The following HAO1 variants were observed in gnomAD, a reference collection of about 807,000 sequenced individuals.
HAO1 encodes 2-Hydroxyacid oxidase 1.
Under a neutral mutation model 39.7 loss-of-function variants are expected in HAO1, and 34 were observed. The observed-to-expected ratio is 0.86, with a 90% CI of 0.65 to 1.14. HAO1 has a LOEUF of 1.14. HAO1 is among the 50% of genes most tolerant of loss of function. The pLI, the probability that HAO1 is intolerant of heterozygous loss-of-function variation, is 0.00. For missense variants in HAO1, 479 were observed against 464.5 expected (o/e 1.03, Z -0.29); for synonymous variants, 172 against 173.2 (o/e 0.99, Z 0.05).
At chr20:7,928,862 A>T (rs887484049) in intron 2 of HAO1, among the ~76,000 whole-genome samples, 2 of 152,118 alleles carry the variant, frequency 1.3e-5, no homozygotes, top group African/African-American at 2.4e-5. Flanking sequence ...GGGAATTTTG[A>T]TTTATTTGCC....
chr20:7,902,415 T>C (rs1284666321), intron 4 of HAO1, among the ~76,000 whole-genome samples: 1 of 152,232 alleles, frequency 6.6e-6, no homozygotes, highest in Non-Finnish European at 1.5e-5. Flanking sequence ...TACAACTCGC[T>C]GAAGACTCAG....
intron 2 of HAO1, among the ~76,000 whole-genome samples, chr20:7,922,722 G>T (rs1377520546): frequency 6.6e-6 from 1 of 152,018 alleles, no homozygotes; most frequent in African/African-American, 2.4e-5. Context: ...GAGTCTAAGG[G>T]GCTGGCAGCA....
Position 7,914,223 on chromosome 20 carries a change from A to T in HAO1, c.486T>A (p.Pro162=). The T allele has an allele frequency of 6.2e-7, 1 of 1,613,974 alleles. No individual in the cohort carries two copies. The highest frequency in any genetic ancestry group is 8.5e-7 in the Non-Finnish European group (1 of 1,179,946). The part of the protein sequence containing the change: ...YKAIFVTVDT[P]YLGNRLDDVR... ...CATCATCCAGACGGTTGCCCAGGTA[A>T]GGTGTGTCCACTGTCACAAATATGG... The change falls in exon 3 of 8, where the codon CCT becomes CCA. Residue 162 remains proline (P), a synonymous_variant. Transcript: ENST00000378789.
chr20:7,928,495 CTTTT>C (rs35798481), intron 2 of HAO1, among the ~76,000 whole-genome samples: 1,948 of 140,362 alleles, frequency 0.014, 39 homozygotes, highest in African/African-American at 0.045. Flanking sequence ...AAAGTTTTTT[CTTTT>C]TTTTTTTTTT....
In HAO1 at chr20:7,916,637, T is replaced by G. The variant is rs117971038; in HGVS notation, c.290-2218A>C. On this transcript the variant is annotated intron_variant, in intron 2 of 7. Transcript: ENST00000378789. ...GCTAGATCACACTTTGACATTTAAA[T>G]AGTACCATAGCCATTAGATAGTAAA... is the stretch of plus-strand genomic sequence containing the variant. Among the ~76,000 whole-genome samples the G allele has an allele frequency of 6.5e-3, 993 of 152,348 alleles. 4 individuals carry two copies. Among genetic ancestry groups the G allele is most frequent in the Non-Finnish European group, 0.011 (740 of 68,030 alleles).
intron 2 of HAO1, among the ~76,000 whole-genome samples, chr20:7,916,733 T>C (rs1449890040): frequency 6.6e-6 from 1 of 152,248 alleles, no homozygotes; most frequent in South Asian, 2.1e-4. Flanking sequence ...CCTTTGAAGA[T>C]GTTTTTCATA....
In HAO1 at chr20:7,883,476, A is replaced by G; in HGVS notation, c.*117T>C. On this transcript the variant is annotated 3_prime_UTR_variant, in exon 8 of 8. Transcript: ENST00000378789. ...ATTGCTATTTTGTTGGAAAAGAACGACACCCTTTGTATTGAAGTGGGGAAT... is the reference window on the plus strand; with the variant it reads ...ATTGCTATTTTGTTGGAAAAGAACGGCACCCTTTGTATTGAAGTGGGGAAT... The G allele has an allele frequency of 1.3e-6, 1 of 781,244 alleles. No homozygotes were observed. Among genetic ancestry groups the G allele is most frequent in the Non-Finnish European group, 2.3e-6 (1 of 440,262 alleles). 48.4% of individuals were successfully genotyped at this position (781,244 alleles called of 1,614,324 possible).
chr20:7,893,172 C>G (rs2050181916), intron 5 of HAO1, among the ~76,000 whole-genome samples: 1 of 152,144 alleles, frequency 6.6e-6, no homozygotes, highest in Admixed American at 6.6e-5. Flanking sequence ...CCAAAACTCT[C>G]CCACTCCCAC....
At chr20:7,884,177 A>C (rs960838913) in intron 7 of HAO1, among the ~76,000 whole-genome samples, 1 of 152,174 alleles carries the variant, frequency 6.6e-6, no homozygotes, top group African/African-American at 2.4e-5. Flanking sequence ...GTCAAATTAG[A>C]AATAGTCACT....
intron 3 of HAO1, among the ~76,000 whole-genome samples, chr20:7,907,176 T>C (rs2050252378): frequency 6.6e-6 from 1 of 152,184 alleles, no homozygotes; most frequent in South Asian, 2.1e-4. Context: ...TTGTTCTCTC[T>C]GAACTTCTCG....
At chr20:7,905,457 A>T (rs2050243147) in intron 4 of HAO1, among the ~76,000 whole-genome samples, 1 of 152,164 alleles carries the variant, frequency 6.6e-6, no homozygotes, top group African/African-American at 2.4e-5. Context: ...GTTAAAAAAA[A>T]GTTTTTGGCA....
intron 1 of HAO1, among the ~76,000 whole-genome samples, chr20:7,935,460 T>C (rs944753410): frequency 1.3e-5 from 2 of 152,234 alleles, no homozygotes; most frequent in African/African-American, 4.8e-5. Context: ...TTTTATGTGA[T>C]AAACAGCAGC....
rs2050420104 is a variant in HAO1 at position 7,937,779 on chromosome 20, G to A, written c.137+2507C>T. Among the ~76,000 whole-genome samples, 3 of 152,168 alleles carry A rather than the reference G, an allele frequency of 2.0e-5. No homozygotes were observed. The South Asian group carries it at 6.2e-4, about 32-fold the overall frequency. ...CCAATCAATTCCAGCCATGCAAAATGTAGCAAGTTGACATTTACCCTGTTT... is the reference window on the plus strand; with the variant it reads ...CCAATCAATTCCAGCCATGCAAAATATAGCAAGTTGACATTTACCCTGTTT... On this transcript the variant is annotated intron_variant, in intron 1 of 7. Transcript: ENST00000378789.
At position 7,934,611 on chromosome 20, in the gene HAO1, G is replaced by A. The variant is rs1194895512; in HGVS notation, c.162C>T (p.Leu54=). Residue 54 remains leucine (L), a synonymous_variant, in exon 2 of 8, where the codon CTC becomes CTT. Coordinates refer to ENST00000378789, the MANE Select transcript of HAO1 (RefSeq NM_017545.3). The part of the protein sequence containing the change: ...FSRWKLYPRM[L]RNVAETDLST... ...ACAGATCTGTTTCAGCAACATTCCG[G>A]AGCATCCTTGGATACAGCTTCCATC... 3 of 1,609,594 alleles carry A rather than the reference G, an allele frequency of 1.9e-6. No homozygotes were observed. The highest frequency in any genetic ancestry group is 2.5e-6 in the Non-Finnish European group (3 of 1,176,904).
At chr20:7,904,337 G>T (rs1278949729) in intron 4 of HAO1, among the ~76,000 whole-genome samples, 4 of 152,154 alleles carry the variant, frequency 2.6e-5, no homozygotes, top group African/African-American at 9.7e-5. Context: ...TAGGTCCGTT[G>T]TGCAAAGCAT....
At chr20:7,930,513 GAC>G (rs1185946213) in intron 2 of HAO1, among the ~76,000 whole-genome samples, 2 of 152,134 alleles carry the variant, frequency 1.3e-5, no homozygotes, top group Non-Finnish European at 2.9e-5. Flanking sequence ...AGCCAAAAAT[GAC>G]ACAGAGATGT....
intron 1 of HAO1, among the ~76,000 whole-genome samples, chr20:7,939,138 C>A (rs919435179): frequency 1.1e-4 from 17 of 152,130 alleles, no homozygotes; most frequent in African/African-American, 4.1e-4. Context: ...AATAATGATG[C>A]AGAATTTTAA....
intron 1 of HAO1, among the ~76,000 whole-genome samples, chr20:7,936,962 A>G (rs1457177943): frequency 1.3e-5 from 2 of 152,110 alleles, no homozygotes; most frequent in Admixed American, 1.3e-4. Context: ...GCACCTCACT[A>G]TATTCTCGGA....
intron 4 of HAO1, among the ~76,000 whole-genome samples, chr20:7,905,537 T>C (rs2050243724): frequency 6.6e-6 from 1 of 152,204 alleles, no homozygotes; most frequent in Non-Finnish European, 1.5e-5. Context: ...ACATTTACAC[T>C]CCAAAATTAT....
Sources: gnomAD v4.1 joint callset for allele counts (sites outside exome capture counted in the v4.1 genomes callset) on GRCh38, gnomAD v4.1.1 for gene constraint, MANE v1.5 for transcripts, NCBI Gene and HGNC (gene_info 2026-07-23, HGNC 2026-07-21) for gene names.